ITSN1: variants seen among roughly 807,000 people sequenced by gnomAD.
The protein encoded by ITSN1 is intersectin 1, also known as intersectin-1.
ITSN1 carries 58 observed loss-of-function variants against 239.8 expected under a neutral mutation model. The observed-to-expected ratio is 0.24, with a 90% CI of 0.20 to 0.30. The LOEUF is 0.30. Among genes scored for constraint, ITSN1 ranks in the 10% least tolerant of loss-of-function variants. The pLI is 1.00. For synonymous variants in ITSN1, 780 were observed against 770.8 expected, an observed-to-expected ratio of 1.01 and a Z score of -0.20; for missense variants, 1,558 against 2,103.3, an observed-to-expected ratio of 0.74 and a Z score of 5.07.
chr21:33,763,829 G>A (rs575705355), intron 9 of ITSN1, among the ~76,000 whole-genome samples: 1 of 152,152 alleles, frequency 6.6e-6, no homozygotes, highest in African/African-American at 2.4e-5. Context: ...CTGTATGTTG[G>A]TGATTGTCCC....
In ITSN1 at chr21:33,797,802, C is replaced by G. The variant is rs548264239; in HGVS notation, c.2182+194C>G. 6.6e-6 allele frequency among the ~76,000 whole-genome samples: 1 copy of G among 152,298 alleles called. No individual in the cohort carries two copies. Among genetic ancestry groups the G allele is most frequent in the South Asian group, 2.1e-4 (1 of 4,824 alleles). On this transcript the variant is annotated intron_variant, in intron 18 of 39. Coordinates refer to ENST00000381318, the MANE Select transcript of ITSN1 (RefSeq NM_003024.3). This position sits in a 1 kb window ranked among gnomAD's most constrained non-coding sequence, Gnocchi z 4.9. ...TCTGTGTAATTCTCCCACCACCATGCCAGCCTCTGGCCCACGTTACACTGG... is the reference window on the plus strand; with the variant it reads ...TCTGTGTAATTCTCCCACCACCATGGCAGCCTCTGGCCCACGTTACACTGG...
At chr21:33,654,397 A>G (rs764497029) in intron 1 of ITSN1, among the ~76,000 whole-genome samples, 16 of 151,920 alleles carry the variant, frequency 1.1e-4, no homozygotes, top group Non-Finnish European at 1.5e-4. Flanking sequence ...AAGTTCTGTT[A>G]TACTCTAGAC....
At chr21:33,793,739 G>A (rs1382815027) in intron 16 of ITSN1, among the ~76,000 whole-genome samples, 1 of 152,194 alleles carries the variant, frequency 6.6e-6, no homozygotes, top group African/African-American at 2.4e-5. Flanking sequence ...GTTTGGGGCA[G>A]TTAGCGACTT....
At chr21:33,840,090 G>A (rs577635802) in intron 29 of ITSN1, among the ~76,000 whole-genome samples, 17 of 152,268 alleles carry the variant, frequency 1.1e-4, no homozygotes, top group South Asian at 6.2e-4. Context: ...AGCTCATGTC[G>A]TGTATCTGCA....
At chr21:33,751,937 T>C (rs1345702232) in intron 7 of ITSN1, 31 bp downstream of exon 7, 3 of 1,395,112 alleles carry the variant, frequency 2.2e-6, no homozygotes, top group Non-Finnish European at 2.0e-6. Flanking sequence ...ATGGGAAGTT[T>C]GGTTAAGGCC....
chr21:33,889,015 C>CT lies in ITSN1; in HGVS notation c.*717dup, dbSNP rs2148578107. On this transcript the variant is annotated 3_prime_UTR_variant, in exon 40 of 40. Coordinates refer to ENST00000381318, the MANE Select transcript of ITSN1 (RefSeq NM_003024.3). ...GGATTCAGTTCTGATTCCCAGCATG[C>CT]TTAGAATATGGTCACAGAAAGTCAT... is the stretch of plus-strand genomic sequence containing the variant. 1 of 152,172 alleles carries CT rather than the reference C, an allele frequency of 6.6e-6. No individual in the cohort carries two copies. Among genetic ancestry groups the CT allele is most frequent in the South Asian group, 2.1e-4 (1 of 4,820 alleles). The allele number at this position is 152,172 out of a possible 1,614,324, so 9.4% of individuals were successfully genotyped here.
At chr21:33,670,595 A>G (rs1184530734) in intron 1 of ITSN1, among the ~76,000 whole-genome samples, 3 of 152,188 alleles carry the variant, frequency 2.0e-5, no homozygotes, top group Non-Finnish European at 4.4e-5. Context: ...TTTCTCATCC[A>G]GTGCATACAT....
rs541158087 is a variant in ITSN1, at chr21:33,670,706, T to C, written c.-33+27993T>C. ...CTTTTATTCTTAAGAAATGTATTCA[T>C]CTCAGAATTCAAATGAAAGTAACAT... On this transcript the variant is annotated intron_variant, in intron 1 of 39. Coordinates refer to ENST00000381318, the MANE Select transcript of ITSN1 (RefSeq NM_003024.3). Among the ~76,000 whole-genome samples the C allele has an allele frequency of 9.2e-5, 14 of 152,334 alleles. 1 individual carries two copies. The East Asian group carries it at 2.7e-3, about 29-fold the overall frequency.
At chr21:33,723,699 T>A (rs556374057) in intron 4 of ITSN1, among the ~76,000 whole-genome samples, 2 of 152,338 alleles carry the variant, frequency 1.3e-5, no homozygotes, top group Admixed American at 1.3e-4. Context: ...GATTTGGAGA[T>A]ACAGTTACCC....
At chr21:33,888,118 C>T (rs1192277942) in intron 39 of ITSN1, 34 bp from the exon 40 acceptor site, 1 of 1,334,396 alleles carries the variant, frequency 7.5e-7, no homozygotes, top group Non-Finnish European at 1.0e-6. Flanking sequence ...AGGGAATGGT[C>T]CCTCTTAGGA....
intron 1 of ITSN1, among the ~76,000 whole-genome samples, chr21:33,657,925 A>G (rs890447695): frequency 2.0e-5 from 3 of 152,142 alleles, no homozygotes; most frequent in African/African-American, 7.2e-5. Flanking sequence ...ATTTGAGGTT[A>G]CAGTGACCTG....
chr21:33,762,127 C>T lies in ITSN1; in HGVS notation c.788+141C>T, dbSNP rs2147653298. On this transcript the variant is annotated intron_variant, in intron 9 of 39. Transcript: ENST00000381318. ...AATTTCAGTGAGTTGTAATGATTGCCTCTTTTATAATACTATTTCCCCTCT... is the reference window on the plus strand; with the variant it reads ...AATTTCAGTGAGTTGTAATGATTGCTTCTTTTATAATACTATTTCCCCTCT... 4 of 673,734 alleles carry T rather than the reference C, an allele frequency of 5.9e-6. No individual in the cohort carries two copies. In the Admixed American group the frequency reaches 7.3e-5, roughly 12 times the overall value. The allele number at this position is 673,734 out of a possible 1,614,324, so 41.7% of individuals were successfully genotyped here.
intron 22 of ITSN1, among the ~76,000 whole-genome samples, chr21:33,816,528 G>C (rs899660100): frequency 1.3e-5 from 2 of 152,198 alleles, no homozygotes; most frequent in Admixed American, 1.3e-4. Context: ...GTAAGTGACA[G>C]ACCTGGGATT....
chr21:33,858,640 T>G (rs1397715708), intron 30 of ITSN1, 46 bp from the exon 31 acceptor site: 4 of 1,285,254 alleles, frequency 3.1e-6, no homozygotes, highest in Non-Finnish European at 4.5e-6. Context: ...GTGTGTGAGT[T>G]TTAAGCTAAC....
intron 29 of ITSN1, chr21:33,836,956 T>G (rs779270375): frequency 6.3e-6 from 10 of 1,588,978 alleles, no homozygotes; most frequent in South Asian, 4.4e-5. Flanking sequence ...TGTTTTGTTT[T>G]GCTTATGTGT....
At chr21:33,746,083 C>T (rs933945712) in intron 5 of ITSN1, among the ~76,000 whole-genome samples, 10 of 152,080 alleles carry the variant, frequency 6.6e-5, no homozygotes, top group Non-Finnish European at 1.0e-4. Flanking sequence ...AGGTGCAATC[C>T]GTAAAAAGCC....
At chr21:33,684,422 TG>T (rs1391668451) in intron 1 of ITSN1, among the ~76,000 whole-genome samples, 1 of 152,180 alleles carries the variant, frequency 6.6e-6, no homozygotes, top group Non-Finnish European at 1.5e-5. Flanking sequence ...TTTTAAAATG[TG>T]GAATAGCATG....
At chr21:33,725,652 G>A (rs1400685558) in intron 4 of ITSN1, among the ~76,000 whole-genome samples, 2 of 152,118 alleles carry the variant, frequency 1.3e-5, no homozygotes, top group African/African-American at 4.8e-5. Flanking sequence ...GTGGCCCAAA[G>A]TCAGGTTTTT....
intron 24 of ITSN1, among the ~76,000 whole-genome samples, chr21:33,823,208 A>G (rs557807659): frequency 6.6e-6 from 1 of 152,314 alleles, no homozygotes; most frequent in Non-Finnish European, 1.5e-5. Context: ...ATCACTCTTA[A>G]ATACTCAAGT....
Sources: gnomAD v4.1 joint callset for allele counts (sites outside exome capture counted in the v4.1 genomes callset) on GRCh38, gnomAD v4.1.1 for gene constraint, Gnocchi (gnomAD v3.1) non-coding constraint, MANE v1.5 for transcripts, NCBI Gene and HGNC (gene_info 2026-07-23, HGNC 2026-07-21) for gene names.